ADGRG7: variants seen among roughly 807,000 people sequenced by gnomAD.
ADGRG7 encodes the protein adhesion G protein-coupled receptor G7.
Under a neutral mutation model 88.6 loss-of-function variants are expected in ADGRG7, and 82 were observed. That is an observed-to-expected ratio of 0.93 (90% CI 0.77 to 1.11). The LOEUF is 1.11. Among genes scored for constraint, ADGRG7 ranks in the 50% most tolerant of loss-of-function variants. The pLI, the probability that ADGRG7 is intolerant of heterozygous loss-of-function variation, is 0.00. For missense variants in ADGRG7, 945 were observed against 953.4 expected, an observed-to-expected ratio of 0.99 and a Z score of 0.12; for synonymous variants, 381 against 345.2, an observed-to-expected ratio of 1.10 and a Z score of -1.15.
chr3:100,692,593 A>G (rs2094995823), intron 15 of ADGRG7, among the ~76,000 whole-genome samples: 1 of 152,348 alleles, frequency 6.6e-6, no homozygotes, highest in Non-Finnish European at 1.5e-5. Flanking sequence ...GAGTATCGCA[A>G]TGTGGCAAGG....
chr3:100,610,330 C>T (rs1373608340), intron 1 of ADGRG7, among the ~76,000 whole-genome samples: 1 of 152,172 alleles, frequency 6.6e-6, no homozygotes, highest in African/African-American at 2.4e-5. Flanking sequence ...CAAGGACACA[C>T]ACATGCATCA....
At chr3:100,617,842 G>T (rs1707247309) in intron 1 of ADGRG7, among the ~76,000 whole-genome samples, 1 of 152,174 alleles carries the variant, frequency 6.6e-6, no homozygotes, top group Admixed American at 6.5e-5. Context: ...CAGTGTAAAA[G>T]TGTTCCTATT....
At chr3:100,633,683 G>A (rs1410198564) in intron 4 of ADGRG7, among the ~76,000 whole-genome samples, 4 of 151,922 alleles carry the variant, frequency 2.6e-5, no homozygotes, top group Admixed American at 1.3e-4. Flanking sequence ...CACCGTGCCC[G>A]ACTAATTTTT....
At chr3:100,621,712 T>C (rs770555015) in intron 1 of ADGRG7, among the ~76,000 whole-genome samples, 2 of 152,230 alleles carry the variant, frequency 1.3e-5, no homozygotes, top group East Asian at 3.8e-4. Flanking sequence ...TTTTTCAGAA[T>C]ATATAAATAA....
At chr3:100,614,179 G>A (rs1707195695) in intron 1 of ADGRG7, among the ~76,000 whole-genome samples, 1 of 152,150 alleles carries the variant, frequency 6.6e-6, no homozygotes, top group Non-Finnish European at 1.5e-5. Flanking sequence ...AGATACCATT[G>A]ACCTAGATTG....
At chr3:100,662,340 T>TA (rs1192683055) in intron 14 of ADGRG7, among the ~76,000 whole-genome samples, 5 of 152,128 alleles carry the variant, frequency 3.3e-5, no homozygotes, top group East Asian at 1.9e-4. Flanking sequence ...GTAATGACAG[T>TA]AAAAAAATTT....
In ADGRG7 at chr3:100,609,905, T is replaced by A; in HGVS notation, c.49T>A (p.Cys17Ser). Residue 17 changes from cysteine to serine, a missense_variant, in exon 1 of 16, where the codon TGT becomes AGT. Coordinates refer to ENST00000273352, the MANE Select transcript of ADGRG7 (RefSeq NM_032787.3). Reference protein sequence around the residue: ...WNLRVLVAVVCGLLTGIILGL... With the variant: ...WNLRVLVAVVSGLLTGIILGL... ...CCTTAGGGTGCTGGTGGCTGTCGTG[T>A]GTGGACTACTGACTGGCATCATTTT... is the stretch of plus-strand genomic sequence containing the variant. 1 of 1,614,052 alleles carries A rather than the reference T, an allele frequency of 6.2e-7. No homozygotes were observed. The highest frequency in any genetic ancestry group is 8.5e-7 in the Non-Finnish European group (1 of 1,179,904).
chr3:100,617,046 T>G (rs1707236150), intron 1 of ADGRG7, among the ~76,000 whole-genome samples: 1 of 152,146 alleles, frequency 6.6e-6, no homozygotes, highest in South Asian at 2.1e-4. Flanking sequence ...CTTAAAGAAG[T>G]AATAACTAAA....
rs184717633 is a variant in ADGRG7, at chr3:100,622,790, C to T, written c.116-6808C>T. Reference sequence around the variant, plus strand: ...TTTTTCCTTTTTTTTGAGATGGAGTCTCACTCTGTTGCCCAGGCTGGAGTG... The same window carrying T: ...TTTTTCCTTTTTTTTGAGATGGAGTTTCACTCTGTTGCCCAGGCTGGAGTG... On this transcript the variant is annotated intron_variant, in intron 1 of 15. Transcript: ENST00000273352. 3.3e-4 allele frequency among the ~76,000 whole-genome samples: 50 copies of T among 151,950 alleles called. 1 individual carries two copies. Among genetic ancestry groups the T allele is most frequent in the Middle Eastern group, 3.4e-3 (1 of 294 alleles).
intron 1 of ADGRG7, among the ~76,000 whole-genome samples, chr3:100,627,818 G>A (rs1370257028): frequency 6.6e-6 from 1 of 152,042 alleles, no homozygotes; most frequent in East Asian, 1.9e-4. Flanking sequence ...ATAAGCTGAA[G>A]TTCTTAACAA....
intron 1 of ADGRG7, among the ~76,000 whole-genome samples, chr3:100,626,159 T>A (rs1707377882): frequency 1.3e-5 from 2 of 152,220 alleles, no homozygotes; most frequent in African/African-American, 4.8e-5. Flanking sequence ...TTTTGGTTGG[T>A]AGGCTAGTAA....
chr3:100,665,293 C>A, intron 14 of ADGRG7: 1 of 540,750 alleles, frequency 1.8e-6, no homozygotes, highest in South Asian at 1.4e-5. Flanking sequence ...GGTTGTCGTT[C>A]AGGTAGTTCA....
At chr3:100,654,008 A>C (rs531199761) in intron 11 of ADGRG7, among the ~76,000 whole-genome samples, 2 of 152,344 alleles carry the variant, frequency 1.3e-5, no homozygotes, top group South Asian at 4.1e-4. Flanking sequence ...AAAGGGAAAC[A>C]GGGACTATCA....
chr3:100,660,276 C>G (rs1231331775), intron 14 of ADGRG7, among the ~76,000 whole-genome samples: 1 of 152,148 alleles, frequency 6.6e-6, no homozygotes, highest in East Asian at 1.9e-4. Context: ...TTGAATTACA[C>G]AATAGCACTA....
chr3:100,676,612 C>T (rs2094965641), intron 15 of ADGRG7, among the ~76,000 whole-genome samples: 1 of 151,806 alleles, frequency 6.6e-6, no homozygotes, highest in African/African-American at 2.4e-5. Flanking sequence ...ATCTATTAGG[C>T]CCATTTAGTA....
At chr3:100,618,880 T>A (rs1008115274) in intron 1 of ADGRG7, among the ~76,000 whole-genome samples, 7 of 152,200 alleles carry the variant, frequency 4.6e-5, no homozygotes, top group African/African-American at 1.7e-4. Flanking sequence ...GTTTGTATCC[T>A]CTTTTATTTC....
intron 6 of ADGRG7, among the ~76,000 whole-genome samples, chr3:100,642,725 A>G (rs1391590242): frequency 1.3e-5 from 2 of 152,366 alleles, no homozygotes; most frequent in South Asian, 2.1e-4. Flanking sequence ...AGAAAAGAAC[A>G]TTGTAAAAAC....
At chr3:100,685,422 C>T (rs148986126) in intron 15 of ADGRG7, among the ~76,000 whole-genome samples, 4,522 of 151,980 alleles carry the variant, frequency 0.03, 198 homozygotes, top group African/African-American at 0.093. Flanking sequence ...ATGTGCACAA[C>T]GTGCAGGTTT....
chr3:100,668,120 T>C (rs2094954059), intron 14 of ADGRG7, among the ~76,000 whole-genome samples: 1 of 152,184 alleles, frequency 6.6e-6, no homozygotes, highest in African/African-American at 2.4e-5. Flanking sequence ...GCACCCACTG[T>C]CCAATCAGTC....
Sources: allele counts gnomAD v4.1 joint callset (sites outside exome capture counted in the v4.1 genomes callset), GRCh38; gene constraint gnomAD v4.1.1; transcripts MANE v1.5; gene names NCBI Gene and HGNC (gene_info 2026-07-23, HGNC 2026-07-21).